ARIH2: variants seen among roughly 807,000 people sequenced by gnomAD.
The protein encoded by ARIH2 is ariadne RBR E3 ubiquitin protein ligase 2.
ARIH2 carries 12 observed loss-of-function variants against 79.8 expected under a neutral mutation model. The ratio of observed to expected loss-of-function variants is 0.15; its 90% CI spans 0.10 to 0.24. The LOEUF is 0.24. Among genes scored for constraint, ARIH2 ranks in the 10% least tolerant of loss-of-function variants. The pLI, the probability that ARIH2 is intolerant of heterozygous loss-of-function variation, is 1.00. For missense variants in ARIH2, 301 were observed against 618.3 expected (o/e 0.49, Z 5.44); for synonymous variants, 224 against 213.9 (o/e 1.05, Z -0.41).
intron 3 of ARIH2, among the ~76,000 whole-genome samples, chr3:48,951,633 C>A (rs2089973676): frequency 6.6e-6 from 1 of 151,550 alleles, no homozygotes; most frequent in Non-Finnish European, 1.5e-5. Context: ...TTTTCTTTTT[C>A]ATTTTGTGTC....
chr3:48,967,051 C>G (rs1466269005), intron 5 of ARIH2, 74 bp from the exon 6 acceptor site: 6 of 1,500,056 alleles, frequency 4.0e-6, no homozygotes, highest in Non-Finnish European at 5.5e-6. Context: ...TCCATGCACC[C>G]GGCTGCATGA....
rs1388841511 is a variant in ARIH2 at position 48,983,910 on chromosome 3, A to G, written c.*640A>G. ...CCTGCCTTACCGTGGCAGTACGGAG[A>G]CAGTCCAGAACATGGTCTTCTTGCC... On this transcript the variant is annotated 3_prime_UTR_variant, in exon 16 of 16. Transcript: ENST00000356401. 6.6e-6 allele frequency: 1 copy of G among 152,574 alleles called. No individual in the cohort carries two copies. Among genetic ancestry groups the G allele is most frequent in the Non-Finnish European group, 1.5e-5 (1 of 68,160 alleles). 9.5% of individuals were successfully genotyped at this position (152,574 alleles called of 1,614,324 possible).
Position 48,920,040 on chromosome 3 carries a change from G to A in ARIH2, c.-162+1042G>A, listed in dbSNP as rs190406723. ...TGTCACCAGGCTGGAGTGCAGTGGCGGCGATCACAGCTAACTGCAGCCCCG... is the reference window on the plus strand; with the variant it reads ...TGTCACCAGGCTGGAGTGCAGTGGCAGCGATCACAGCTAACTGCAGCCCCG... On this transcript the variant is annotated intron_variant, in intron 1 of 15. Transcript: ENST00000356401. Among the ~76,000 whole-genome samples, 36 of 150,754 alleles carry A rather than the reference G, an allele frequency of 2.4e-4. No individual in the cohort carries two copies. In the East Asian group the frequency reaches 6.4e-3, roughly 27 times the overall value.
At chr3:48,969,896 T>G (rs530787097) in intron 7 of ARIH2, among the ~76,000 whole-genome samples, 1 of 151,404 alleles carries the variant, frequency 6.6e-6, no homozygotes, top group Non-Finnish European at 1.5e-5. Flanking sequence ...ATATATGTTT[T>G]TTTTTTTTTT....
intron 11 of ARIH2, among the ~76,000 whole-genome samples, chr3:48,975,539 A>G (rs1279667648): frequency 6.6e-6 from 1 of 151,794 alleles, no homozygotes; most frequent in Non-Finnish European, 1.5e-5. Context: ...AGCTGCTTTG[A>G]TGCTCAACAG....
chr3:48,948,949 T>G, intron 3 of ARIH2: 2 of 374,676 alleles, frequency 5.3e-6, no homozygotes, highest in Non-Finnish European at 1.1e-5. Flanking sequence ...TACCCATTCA[T>G]TTGTAAGTTG....
intron 9 of ARIH2, 28 bp from the exon 10 acceptor site, chr3:48,974,789 G>A: frequency 1.2e-6 from 2 of 1,612,186 alleles, no homozygotes; most frequent in Non-Finnish European, 1.7e-6. Context: ...TGGTGTGTGA[G>A]CCTAATGGCA....
At chr3:48,936,382 A>G (rs1032779610) in intron 3 of ARIH2, among the ~76,000 whole-genome samples, 1 of 152,218 alleles carries the variant, frequency 6.6e-6, no homozygotes, top group Admixed American at 6.5e-5. Context: ...ACTGTCAAAC[A>G]TGAAGTTCCT....
chr3:48,934,003 C>T (rs1334055206), intron 3 of ARIH2, among the ~76,000 whole-genome samples: 3 of 152,164 alleles, frequency 2.0e-5, no homozygotes, highest in Non-Finnish European at 4.4e-5. Flanking sequence ...CTCTATTCTG[C>T]CATACTCTTT....
chr3:48,979,605 T>A lies in ARIH2; in HGVS notation c.1085T>A (p.Leu362His). Reference sequence around the variant, plus strand: ...CAACAAGCCCAGGCGAGGGAAGCCCTCAAGAAGTACTTATTCTACTTTGAG... The same window carrying A: ...CAACAAGCCCAGGCGAGGGAAGCCCACAAGAAGTACTTATTCTACTTTGAG... ...QSQQAQAREA[L>H]KKYLFYFERW... is the part of the protein sequence containing the mutation. Residue 362 changes from leucine to histidine, a missense_variant, in exon 12 of 16, where the codon CTC becomes CAC. Leu to His is a moderately conservative substitution (Grantham distance 99, BLOSUM62 -3). Coordinates refer to ENST00000356401, the MANE Select transcript of ARIH2 (RefSeq NM_006321.4). 1 of 1,614,176 alleles carries A rather than the reference T, an allele frequency of 6.2e-7. No homozygotes were observed. Among genetic ancestry groups the A allele is most frequent in the Non-Finnish European group, 8.5e-7 (1 of 1,180,028 alleles).
chr3:48,924,382 G>C (rs548953872), intron 2 of ARIH2, among the ~76,000 whole-genome samples: 1 of 151,970 alleles, frequency 6.6e-6, no homozygotes, highest in Non-Finnish European at 1.5e-5. Flanking sequence ...TATTTTTGGA[G>C]ACAGAATCTC....
rs555660198 is a variant in ARIH2, at chr3:48,930,811, A to G, written c.255+2998A>G. 3.3e-5 allele frequency among the ~76,000 whole-genome samples: 5 copies of G among 152,340 alleles called. No homozygotes were observed. In the South Asian group the frequency reaches 1.0e-3, roughly 32 times the overall value. On this transcript the variant is annotated intron_variant, in intron 3 of 15. Transcript: ENST00000356401. The stretch of plus-strand genomic sequence containing the variant: ...AGTGCTGATTGCACAATTCTGTGGC[A>G]TATTGAAACATTTAATTTTTTAATG...
chr3:48,933,245 T>G (rs2086632008), intron 3 of ARIH2, among the ~76,000 whole-genome samples: 1 of 8,054 alleles, frequency 1.2e-4, no homozygotes, highest in Non-Finnish European at 2.0e-4. Flanking sequence ...GGTGTGTGTG[T>G]GTGTGTGTGT....
intron 9 of ARIH2, 124 bp from the exon 10 acceptor site, chr3:48,974,693 G>C: frequency 1.1e-6 from 1 of 920,448 alleles, no homozygotes; most frequent in South Asian, 1.3e-5. Context: ...TTTAAGTGAG[G>C]TGCTCCTCCC....
intron 3 of ARIH2, chr3:48,934,731 G>A (rs2086879690): frequency 2.0e-6 from 2 of 985,300 alleles, no homozygotes; most frequent in East Asian, 2.3e-4. Context: ...GTGACATTGA[G>A]AATGGCCTAA....
intron 6 of ARIH2, among the ~76,000 whole-genome samples, chr3:48,967,860 T>G (rs2091903837): frequency 6.6e-6 from 1 of 152,196 alleles, no homozygotes; most frequent in Non-Finnish European, 1.5e-5. Context: ...TGGGATAATA[T>G]TTTAGTTTCA....
Position 48,925,683 on chromosome 3 carries a change from C to G in ARIH2, c.-97-1779C>G, listed in dbSNP as rs2085480622. 3.3e-5 allele frequency among the ~76,000 whole-genome samples: 5 copies of G among 151,656 alleles called. 1 individual carries two copies. The highest frequency in any genetic ancestry group is 3.3e-4 in the Admixed American group (5 of 15,186). On this transcript the variant is annotated intron_variant, in intron 2 of 15. Transcript: ENST00000356401. ...ATAAATTGTTTATGTACTGTTAAAT[C>G]CAAATGCTCTTACACTTTAAGGTTC...
intron 8 of ARIH2, among the ~76,000 whole-genome samples, chr3:48,971,228 G>A (rs905887104): frequency 9.2e-5 from 14 of 152,224 alleles, no homozygotes; most frequent in Non-Finnish European, 2.1e-4. Context: ...AACTGTATAT[G>A]ACCCTTATAT....
chr3:48,941,613 G>A (rs1341070719), intron 3 of ARIH2, among the ~76,000 whole-genome samples: 2 of 143,856 alleles, frequency 1.4e-5, no homozygotes, highest in African/African-American at 5.2e-5. Flanking sequence ...TTTTTTTGGA[G>A]ATGGAGTCTC....
Sources: gnomAD v4.1 joint callset for allele counts (sites outside exome capture counted in the v4.1 genomes callset) on GRCh38, gnomAD v4.1.1 for gene constraint, MANE v1.5 for transcripts, NCBI Gene and HGNC (gene_info 2026-07-23, HGNC 2026-07-21) for gene names.